The following KIF4A variants were observed in gnomAD, a reference collection of about 807,000 sequenced individuals.
KIF4A encodes the protein kinesin family member 4A.
Under a neutral mutation model 105.9 loss-of-function variants are expected in KIF4A, and 7 were observed. The ratio of observed to expected loss-of-function variants is 0.07; its 90% CI spans 0.04 to 0.12. KIF4A has a LOEUF of 0.12. Ranked by LOEUF, KIF4A falls within the 10% of genes least tolerant of loss-of-function variation. The probability of loss-of-function intolerance (pLI) is 1.00; values close to 1 mark genes in which losing one functional copy is unlikely to be tolerated. For synonymous variants in KIF4A, 281 were observed against 331.3 expected (o/e 0.85, Z 1.65); for missense variants, 558 against 929.2 (o/e 0.60, Z 5.19).
chrX:70,363,214 T>C (rs1296801297), intron 15 of KIF4A, among the ~76,000 whole-genome samples: 1 of 107,316 alleles, frequency 9.3e-6, no homozygotes, highest in African/African-American at 3.3e-5. Flanking sequence ...GGACTAAATG[T>C]GGTGTATATA....
At chrX:70,343,815 C>T (rs899552212) in intron 12 of KIF4A, 54 bp downstream of exon 12, 3 of 1,183,835 alleles carry the variant, frequency 2.5e-6, no homozygotes, top group South Asian at 1.8e-5. Flanking sequence ...AGTATATAAT[C>T]GTGGAGCCTC....
chrX:70,392,754 A>G (rs1038711298), intron 20 of KIF4A, among the ~76,000 whole-genome samples: 3 of 109,045 alleles, frequency 2.8e-5, no homozygotes, highest in East Asian at 2.8e-4. Flanking sequence ...AATAGGTAAA[A>G]TGGTAATTTT....
chrX:70,340,094 C>A (rs2085966659), intron 10 of KIF4A, among the ~76,000 whole-genome samples: 1 of 111,359 alleles, frequency 9.0e-6, no homozygotes, highest in Non-Finnish European at 1.9e-5. Context: ...TGAAACTAGA[C>A]TGCTGAGCTC....
At chrX:70,393,418 G>A (rs1200328291) in intron 20 of KIF4A, among the ~76,000 whole-genome samples, 8 of 111,399 alleles carry the variant, frequency 7.2e-5, no homozygotes, top group African/African-American at 2.6e-4. Flanking sequence ...GTTGTTGGAT[G>A]GAGTATCTAT....
chrX:70,413,408 C>T (rs1465988322), intron 28 of KIF4A, among the ~76,000 whole-genome samples: 2 of 109,183 alleles, frequency 1.8e-5, no homozygotes, highest in African/African-American at 3.3e-5. Flanking sequence ...CCGAGGTGGG[C>T]GGATCACTTG....
Position 70,311,426 on chromosome X carries a change from ACTT to A in KIF4A, c.778+9032_778+9034del, listed in dbSNP as rs373717814. 4.4e-3 allele frequency among the ~76,000 whole-genome samples: 489 copies of A among 110,865 alleles called. 4 individuals are homozygous for A. Among genetic ancestry groups the A allele is most frequent in the African/African-American group, 0.015 (464 of 30,516 alleles). On this transcript the variant is annotated intron_variant, in intron 7 of 30. Coordinates refer to ENST00000374403, the MANE Select transcript of KIF4A (RefSeq NM_012310.5). ...GCTTCTTGAGTTGAAAGCTGAGTTT[ACTT>A]CTTTTCTTCTCCTTTTTAAAAAAGC...
intron 19 of KIF4A, 36 bp from the exon 20 acceptor site, chrX:70,387,148 A>T: frequency 2.2e-6 from 2 of 924,799 alleles, no homozygotes; most frequent in South Asian, 2.3e-5. Context: ...TTTTTTTACC[A>T]TTCATTCAAC....
intron 7 of KIF4A, among the ~76,000 whole-genome samples, chrX:70,328,566 A>G (rs1016560111): frequency 1.8e-5 from 2 of 112,057 alleles, no homozygotes; most frequent in Non-Finnish European, 3.8e-5. Flanking sequence ...ACTTTGCTTC[A>G]TATATAGTAT....
rs763076244 is a variant in KIF4A, at chrX:70,388,179, A to G, written c.2232+882A>G. On this transcript the variant is annotated intron_variant, in intron 20 of 30. Transcript: ENST00000374403. The stretch of plus-strand genomic sequence containing the variant: ...TATTTTTTTTCTGGCTTTTATTCAC[A>G]ATTATTTTGAGATTCATCCATGTGG... 4.5e-5 allele frequency among the ~76,000 whole-genome samples: 5 copies of G among 111,149 alleles called. No individual in the cohort carries two copies. The South Asian group carries it at 1.9e-3, about 43-fold the overall frequency.
At chrX:70,362,444 G>A (rs1296163832) in intron 15 of KIF4A, 1 of 136,160 alleles carries the variant, frequency 7.3e-6, no homozygotes, top group Non-Finnish European at 1.5e-5. Flanking sequence ...CTAGTAAGGA[G>A]CTATAGCTAT....
At chrX:70,296,158 C>T (rs1193550963) in intron 3 of KIF4A, among the ~76,000 whole-genome samples, 2 of 97,133 alleles carry the variant, frequency 2.1e-5, no homozygotes, top group Non-Finnish European at 4.0e-5. Flanking sequence ...GATCAAGGCT[C>T]ACTGTAACCT....
chrX:70,342,447 C>T (rs768921107), intron 11 of KIF4A, among the ~76,000 whole-genome samples: 1 of 112,245 alleles, frequency 8.9e-6, no homozygotes, highest in East Asian at 2.8e-4. Context: ...ACTGATTACA[C>T]GAGTTCTGAC....
intron 15 of KIF4A, among the ~76,000 whole-genome samples, chrX:70,370,516 G>A (rs1261656253): frequency 9.3e-6 from 1 of 107,503 alleles, no homozygotes; most frequent in Non-Finnish European, 1.9e-5. Context: ...TAGAATATAT[G>A]TAATATAGAA....
intron 22 of KIF4A, among the ~76,000 whole-genome samples, chrX:70,402,101 G>A (rs2086284467): frequency 9.0e-6 from 1 of 111,560 alleles, no homozygotes; most frequent in African/African-American, 3.3e-5. Context: ...CTCTCACAAT[G>A]CCAGCCATGG....
intron 15 of KIF4A, among the ~76,000 whole-genome samples, chrX:70,355,945 A>G (rs1159760203): frequency 2.7e-5 from 3 of 112,179 alleles, no homozygotes; most frequent in African/African-American, 9.7e-5. Flanking sequence ...TTCCAAAATA[A>G]TAACTGAGTT....
intron 22 of KIF4A, among the ~76,000 whole-genome samples, chrX:70,402,042 T>C (rs1453838059): frequency 8.9e-6 from 1 of 111,855 alleles, no homozygotes; most frequent in African/African-American, 3.3e-5. Flanking sequence ...TCAGAATATC[T>C]AGTCTTCTTA....
At chrX:70,397,479 C>G (rs2086264591) in intron 22 of KIF4A, among the ~76,000 whole-genome samples, 1 of 112,154 alleles carries the variant, frequency 8.9e-6, no homozygotes, top group African/African-American at 3.2e-5. Context: ...GAAGGCCGCA[C>G]TTTCTCAGGA....
chrX:70,402,278 T>C (rs2086285054), intron 22 of KIF4A, among the ~76,000 whole-genome samples: 1 of 112,194 alleles, frequency 8.9e-6, no homozygotes. Flanking sequence ...CTTAATCCAC[T>C]ACAACAAAAG....
intron 15 of KIF4A, among the ~76,000 whole-genome samples, chrX:70,371,770 G>A (rs1367791213): frequency 2.8e-5 from 3 of 109,020 alleles, no homozygotes; most frequent in Admixed American, 9.5e-5. Flanking sequence ...TCCCAGACGG[G>A]GTGGCTGCCA....
Sources: gnomAD v4.1 joint callset for allele counts (sites outside exome capture counted in the v4.1 genomes callset) on GRCh38, gnomAD v4.1.1 for gene constraint, MANE v1.5 for transcripts, NCBI Gene and HGNC (gene_info 2026-07-23, HGNC 2026-07-21) for gene names.